The following RAB33B variants were observed in gnomAD, a reference collection of about 807,000 sequenced individuals.
RAB33B encodes the protein RAB33B, member RAS oncogene family, also known as ras-related protein Rab-33B.
Under a neutral mutation model 15.0 loss-of-function variants are expected in RAB33B, and 6 were observed. That is an observed-to-expected ratio of 0.40 (90% confidence interval 0.22 to 0.79). The LOEUF (loss-of-function observed/expected upper bound fraction) is 0.79, where lower values mean the gene tolerates loss of function less well. Ranked by LOEUF, RAB33B falls within the 30% of genes least tolerant of loss-of-function variation. The pLI is 0.37. For synonymous variants in RAB33B, 117 were observed against 108.3 expected, an observed-to-expected ratio of 1.08 and a Z score of -0.50; for missense variants, 257 against 296.4, an observed-to-expected ratio of 0.87 and a Z score of 0.98.
rs1750457644 is a variant in RAB33B, at chr4:139,474,218, TA to T, written c.*1095del. On this transcript the variant is annotated 3_prime_UTR_variant, in exon 2 of 2. Coordinates refer to ENST00000305626, the MANE Select transcript of RAB33B (RefSeq NM_031296.3). ...GCACCCAGCCGAGTTGCTTTCTTAC[TA>T]AATCCTATTAAAATATGCAAAAATA... The T allele has an allele frequency of 6.6e-6, 1 of 152,186 alleles. No individual in the cohort carries two copies. The highest frequency in any genetic ancestry group is 6.5e-5 in the Admixed American group (1 of 15,278). 9.4% of individuals were successfully genotyped at this position (152,186 alleles called of 1,614,324 possible). A position where few individuals can be genotyped will look rare whatever the true frequency, so the allele number is the denominator to read the frequency against.
chr4:139,462,242 A>G (rs1042350322), intron 1 of RAB33B, among the ~76,000 whole-genome samples: 1 of 151,718 alleles, frequency 6.6e-6, no homozygotes, highest in Non-Finnish European at 1.5e-5. Flanking sequence ...TTTAGTAGAG[A>G]TGGGGTTTCA....
At chr4:139,465,819 T>C (rs947710046) in intron 1 of RAB33B, among the ~76,000 whole-genome samples, 1 of 151,544 alleles carries the variant, frequency 6.6e-6, no homozygotes, top group African/African-American at 2.4e-5. Context: ...AGCCTTGATC[T>C]CCTGGGCTTA....
chr4:139,464,002 A>G (rs567639736), intron 1 of RAB33B, among the ~76,000 whole-genome samples: 3 of 152,336 alleles, frequency 2.0e-5, no homozygotes, highest in African/African-American at 7.2e-5. Context: ...GCTGGGCATG[A>G]TGGCTTTTGC....
chr4:139,450,159 T>C (rs961911118), upstream of RAB33B: 4 of 152,322 alleles, frequency 2.6e-5, no homozygotes, highest in South Asian at 6.2e-4. Context: ...ACTGAGTACA[T>C]AGTTCAAATG....
At chr4:139,472,314 T>G (rs752322148) in intron 1 of RAB33B, among the ~76,000 whole-genome samples, 5 of 152,184 alleles carry the variant, frequency 3.3e-5, no homozygotes, top group Non-Finnish European at 7.3e-5. Context: ...TAGTGAAAGG[T>G]AAAGAGGGGT....
the RAB33B span, among the ~76,000 whole-genome samples, chr4:139,439,380 A>G: frequency 6.6e-6 from 1 of 152,086 alleles, no homozygotes; most frequent in Non-Finnish European, 1.5e-5. Context: ...TCTGGCTTCC[A>G]AAGTTTTTGA....
chr4:139,444,530 C>A, the RAB33B span, among the ~76,000 whole-genome samples: 1 of 152,126 alleles, frequency 6.6e-6, no homozygotes, highest in Admixed American at 6.6e-5. Context: ...AGATCTCTAG[C>A]CTTTTACCAG....
intron 1 of RAB33B, among the ~76,000 whole-genome samples, chr4:139,462,668 T>C (rs567178240): frequency 6.6e-6 from 1 of 152,230 alleles, no homozygotes; most frequent in Non-Finnish European, 1.5e-5. Context: ...GAAATGTGTG[T>C]GTCTGGTGTA....
At chr4:139,469,092 T>G (rs567139512) in intron 1 of RAB33B, among the ~76,000 whole-genome samples, 1 of 152,334 alleles carries the variant, frequency 6.6e-6, no homozygotes, top group South Asian at 2.1e-4. Context: ...ACTTGAATAT[T>G]GATACCTTCT....
At chr4:139,458,166 G>T (rs1447887203) in intron 1 of RAB33B, among the ~76,000 whole-genome samples, 1 of 152,022 alleles carries the variant, frequency 6.6e-6, no homozygotes, top group Non-Finnish European at 1.5e-5. Flanking sequence ...TGTGGCTTGT[G>T]CCTGTAGTCC....
At chr4:139,448,941 T>G (rs1285516003), upstream of RAB33B, 1 of 152,090 alleles carries the variant, frequency 6.6e-6, no homozygotes, top group African/African-American at 2.4e-5. Flanking sequence ...TGAGTGTGAC[T>G]GTGTGTGTGG....
chr4:139,441,908 C>T, the RAB33B span, among the ~76,000 whole-genome samples: 1 of 152,116 alleles, frequency 6.6e-6, no homozygotes, highest in African/African-American at 2.4e-5. Flanking sequence ...GTTTCATTTT[C>T]ATTCATTCTA....
Position 139,466,961 on chromosome 4 carries a change from C to CTTTTTT in RAB33B, c.250-5705_250-5700dup, listed in dbSNP as rs35504904. ...TTGATAGTGTCCTTAGAAGCACAAA[C>CTTTTTT]TTTTTTTTTTTTTTTTTTTTTTTTT... On this transcript the variant is annotated intron_variant, in intron 1 of 1. Transcript: ENST00000305626. Among the ~76,000 whole-genome samples, 99 of 68,500 alleles carry CTTTTTT rather than the reference C, an allele frequency of 1.4e-3. 5 individuals carry two copies. The highest frequency in any genetic ancestry group is 2.0e-3 in the Non-Finnish European group (75 of 37,746). 44.9% of individuals were successfully genotyped at this position (68,500 alleles called of 152,430 possible). A position where few individuals can be genotyped will look rare whatever the true frequency, so the allele number is the denominator to read the frequency against.
At chr4:139,441,792 TTGTC>T in the RAB33B span, among the ~76,000 whole-genome samples, 137 of 152,340 alleles carry the variant, frequency 9.0e-4, no homozygotes, top group Admixed American at 2.9e-3. Flanking sequence ...AAATCAGGGA[TTGTC>T]TGTACATAAG....
At chr4:139,445,548 A>G in the RAB33B span, among the ~76,000 whole-genome samples, 1 of 152,236 alleles carries the variant, frequency 6.6e-6, no homozygotes, top group South Asian at 2.1e-4. Flanking sequence ...AAAGTGAAGG[A>G]TAAGTTGCTG....
At chr4:139,467,308 C>CGGGTTTTT (rs1750307627) in intron 1 of RAB33B, among the ~76,000 whole-genome samples, 2 of 17,618 alleles carry the variant, frequency 1.1e-4, no homozygotes, top group Non-Finnish European at 3.0e-4. Flanking sequence ...CCCCCCGCCG[C>CGGGTTTTT]TTTTTTTTTT....
At chr4:139,452,720 T>C (rs1303567110), upstream of RAB33B, 2 of 152,220 alleles carry the variant, frequency 1.3e-5, no homozygotes, top group Non-Finnish European at 2.9e-5. Context: ...ATCAAGGCTT[T>C]TGCAAATTCC....
chr4:139,468,475 ACT>A (rs1750331889), intron 1 of RAB33B, among the ~76,000 whole-genome samples: 1 of 151,992 alleles, frequency 6.6e-6, no homozygotes, highest in South Asian at 2.1e-4. Context: ...CCACTTTTTA[ACT>A]TTTTCTTGTT....
chr4:139,459,623 G>A (rs1230097773), intron 1 of RAB33B, among the ~76,000 whole-genome samples: 2 of 95,526 alleles, frequency 2.1e-5, no homozygotes, highest in Non-Finnish European at 5.4e-5. Flanking sequence ...TCAGTGTCTA[G>A]TTCAGTTCTT....
Sources: gnomAD v4.1 joint callset for allele counts (sites outside exome capture counted in the v4.1 genomes callset) on GRCh38, gnomAD v4.1.1 for gene constraint, MANE v1.5 for transcripts, NCBI Gene and HGNC (gene_info 2026-07-23, HGNC 2026-07-21) for gene names.